The following PDSS2 variants were observed in gnomAD, a reference collection of about 807,000 sequenced individuals.
The protein encoded by PDSS2 is decaprenyl diphosphate synthase subunit 2, also known as all trans-polyprenyl-diphosphate synthase PDSS2.
PDSS2 carries 31 observed loss-of-function variants against 44.5 expected under a neutral mutation model. The ratio of observed to expected loss-of-function variants is 0.70; its 90% confidence interval spans 0.52 to 0.94. The LOEUF (loss-of-function observed/expected upper bound fraction) is 0.94, where lower values mean the gene tolerates loss of function less well. Ranked by LOEUF, PDSS2 falls within the 40% of genes least tolerant of loss-of-function variation. The pLI is 0.00. For synonymous variants in PDSS2, 157 were observed against 180.3 expected (o/e 0.87, Z 1.03); for missense variants, 452 against 482.2 (o/e 0.94, Z 0.59).
At chr6:107,270,456 T>C (rs867627913) in intron 3 of PDSS2, among the ~76,000 whole-genome samples, 2 of 152,128 alleles carry the variant, frequency 1.3e-5, no homozygotes, top group Non-Finnish European at 2.9e-5. Flanking sequence ...TGGCCTGAAG[T>C]GTATTTTTTA....
At chr6:107,235,110 C>T (rs1430097256) in intron 4 of PDSS2, among the ~76,000 whole-genome samples, 1 of 152,068 alleles carries the variant, frequency 6.6e-6, no homozygotes, top group Non-Finnish European at 1.5e-5. Flanking sequence ...GGAGAGAATG[C>T]CAGGATGCAG....
At chr6:107,221,478 T>C (rs990755758) in intron 4 of PDSS2, among the ~76,000 whole-genome samples, 24 of 152,180 alleles carry the variant, frequency 1.6e-4, no homozygotes, top group Non-Finnish European at 2.9e-4. Flanking sequence ...ATTTCCTTTT[T>C]TTTTCCTGAA....
chr6:107,439,832 G>A (rs919426552), intron 1 of PDSS2, among the ~76,000 whole-genome samples: 10 of 152,158 alleles, frequency 6.6e-5, no homozygotes, highest in African/African-American at 2.4e-4. Flanking sequence ...GGTAGTTTGG[G>A]AAAGGAATAT....
intron 1 of PDSS2, among the ~76,000 whole-genome samples, chr6:107,454,723 C>T (rs534779145): frequency 4.6e-5 from 7 of 151,898 alleles, no homozygotes; most frequent in East Asian, 1.9e-4. Context: ...CCCTAACATA[C>T]CATGTAGCTT....
intron 1 of PDSS2, among the ~76,000 whole-genome samples, chr6:107,354,152 T>A (rs1376630499): frequency 1.3e-5 from 2 of 152,216 alleles, no homozygotes; most frequent in Non-Finnish European, 2.9e-5. Context: ...TCTTGAACAG[T>A]GAAGTCACTA....
chr6:107,169,113 C>T (rs1554248072), intron 7 of PDSS2, among the ~76,000 whole-genome samples: 1 of 151,948 alleles, frequency 6.6e-6, no homozygotes, highest in Non-Finnish European at 1.5e-5. Flanking sequence ...TTCAGGTACA[C>T]CAATCAGACG....
intron 7 of PDSS2, among the ~76,000 whole-genome samples, chr6:107,183,309 T>C (rs1310983253): frequency 6.6e-6 from 1 of 152,102 alleles, no homozygotes; most frequent in Non-Finnish European, 1.5e-5. Flanking sequence ...CTTATCTAAT[T>C]ATATTACAAG....
intron 6 of PDSS2, among the ~76,000 whole-genome samples, chr6:107,195,718 C>T (rs34277069): frequency 0.29 from 43,938 of 150,894 alleles, 6,546 homozygotes; most frequent in East Asian, 0.5. Flanking sequence ...CACCACCACG[C>T]CCGGCTAATT....
At chr6:107,205,604 G>A (rs1299240912) in intron 6 of PDSS2, among the ~76,000 whole-genome samples, 1 of 152,196 alleles carries the variant, frequency 6.6e-6, no homozygotes, top group East Asian at 1.9e-4. Context: ...GGCAGGGAGA[G>A]ATCTGTAGAA....
intron 7 of PDSS2, among the ~76,000 whole-genome samples, chr6:107,189,754 A>C (rs1412521140): frequency 6.6e-6 from 1 of 152,076 alleles, no homozygotes; most frequent in Non-Finnish European, 1.5e-5. Flanking sequence ...TTATTTGTGC[A>C]CCATATTTTT....
intron 1 of PDSS2, among the ~76,000 whole-genome samples, chr6:107,404,273 G>C (rs908454494): frequency 6.6e-6 from 1 of 152,170 alleles, no homozygotes; most frequent in Non-Finnish European, 1.5e-5. Context: ...TTTGGTCAAA[G>C]CTATTTGACA....
chr6:107,286,246 G>A (rs2908802), intron 2 of PDSS2, among the ~76,000 whole-genome samples: 78,701 of 151,662 alleles, frequency 0.52, 21,398 homozygotes, highest in Middle Eastern at 0.71. Context: ...AGTGGCTAAC[G>A]CCTGTAATCC....
chr6:107,358,613 T>C lies in PDSS2; in HGVS notation c.297-24281A>G, dbSNP rs183555191. On this transcript the variant is annotated intron_variant, in intron 1 of 7. Transcript: ENST00000369037. ...TAGCCAGTAAAAGCCATTGCAGAAA[T>C]GATGAAAAATTTGAGACTGAGGAGA... Among the ~76,000 whole-genome samples the C allele has an allele frequency of 4.6e-5, 7 of 152,202 alleles. No homozygotes were observed. The East Asian group carries it at 1.3e-3, about 29-fold the overall frequency.
chr6:107,423,523 T>C (rs1241582208), intron 1 of PDSS2, among the ~76,000 whole-genome samples: 2 of 151,620 alleles, frequency 1.3e-5, no homozygotes, highest in African/African-American at 4.9e-5. Context: ...CAGAGACACA[T>C]GGCTTCTTTG....
At chr6:107,160,576 T>A (rs1446512867) in intron 7 of PDSS2, among the ~76,000 whole-genome samples, 1 of 151,954 alleles carries the variant, frequency 6.6e-6, no homozygotes, top group Non-Finnish European at 1.5e-5. Flanking sequence ...GGTTTTAAAC[T>A]CCTGGCCTCA....
intron 7 of PDSS2, among the ~76,000 whole-genome samples, chr6:107,172,660 G>A (rs1294014856): frequency 6.6e-6 from 1 of 152,116 alleles, no homozygotes; most frequent in East Asian, 1.9e-4. Flanking sequence ...TTCAAAAAGG[G>A]TTGTTAAACA....
chr6:107,424,179 C>T (rs319095), intron 1 of PDSS2, among the ~76,000 whole-genome samples: 2 of 151,354 alleles, frequency 1.3e-5, no homozygotes, highest in African/African-American at 4.9e-5. Flanking sequence ...GTAACTGGGA[C>T]CATAGGCGAG....
intron 4 of PDSS2, among the ~76,000 whole-genome samples, chr6:107,222,891 A>G (rs1773658832): frequency 6.6e-6 from 1 of 151,986 alleles, no homozygotes; most frequent in African/African-American, 2.4e-5. Flanking sequence ...GGACAGCTTA[A>G]GCCTAAAATG....
intron 2 of PDSS2, among the ~76,000 whole-genome samples, chr6:107,296,989 C>T (rs1218522039): frequency 1.3e-5 from 2 of 152,050 alleles, no homozygotes; most frequent in Admixed American, 6.5e-5. Flanking sequence ...AATTATTTTC[C>T]CCTCAGTGCT....
Sources: allele counts gnomAD v4.1 joint callset (sites outside exome capture counted in the v4.1 genomes callset), GRCh38; gene constraint gnomAD v4.1.1; transcripts MANE v1.5; gene names NCBI Gene and HGNC (gene_info 2026-07-23, HGNC 2026-07-21).